The following COL20A1 variants were observed in gnomAD, a reference collection of about 807,000 sequenced individuals.
COL20A1 encodes collagen type XX alpha 1 chain.
In COL20A1, 164 loss-of-function variants were observed where a neutral mutation model predicts 152.9. The ratio of observed to expected loss-of-function variants is 1.07; its 90% confidence interval spans 0.94 to 1.22. The LOEUF is 1.22. COL20A1 is among the 50% of genes most tolerant of loss of function. The pLI, the probability that COL20A1 is intolerant of heterozygous loss-of-function variation, is 0.00. For synonymous variants in COL20A1, 864 were observed against 756.0 expected (o/e 1.14, Z -2.34); for missense variants, 1,873 against 1,744.8 (o/e 1.07, Z -1.31).
chr20:63,322,151 C>A, intron 27 of COL20A1, 40 bp downstream of exon 27: 1 of 1,438,144 alleles, frequency 7.0e-7, no homozygotes, highest in Non-Finnish European at 9.3e-7. Context: ...GGGCCTGGAT[C>A]GTACCTACCA....
rs866090610 is a variant in COL20A1, at chr20:63,313,174, G to C, written c.2134G>C (p.Glu712Gln). 3.1e-6 allele frequency: 5 copies of C among 1,612,376 alleles called. No individual in the cohort carries two copies. The highest frequency in any genetic ancestry group is 1.7e-6 in the Non-Finnish European group (2 of 1,179,732). ...AVLPGLGRHT[E>Q]YDVTILAYYR... ...CCTGCCTGGCCTAGGGAGGCACACA[G>C]AGTACGACGTCACCATCTTGGCCTA... Residue 712 changes from glutamate (E) to glutamine (Q), a missense_variant, in exon 17 of 36, where the codon GAG becomes CAG. Physicochemically the swap from Glu to Gln is conservative, Grantham distance 29 (BLOSUM62 2). Coordinates refer to ENST00000358894, the MANE Select transcript of COL20A1 (RefSeq NM_020882.4). The surrounding 1 kb of genome is among the most constrained non-coding windows in gnomAD (Gnocchi z 5.9).
chr20:63,318,850 G>A (rs2068118254), intron 21 of COL20A1, among the ~76,000 whole-genome samples: 1 of 151,550 alleles, frequency 6.6e-6, no homozygotes, highest in South Asian at 2.1e-4. Flanking sequence ...CAGCTCTGTG[G>A]AACCACCAGT....
rs1328917627 is a variant in COL20A1 at position 63,305,168 on chromosome 20, C to T, written c.194-249C>T. On this transcript the variant is annotated intron_variant, in intron 3 of 35. Transcript: ENST00000358894. The surrounding 1 kb of genome is among the most constrained non-coding windows in gnomAD (Gnocchi z 4.9). ...GTTGATGGCTTCTCACCTCACCATG[C>T]GGCGGATTCCTCTAGGGGGGTTTAG... Among the ~76,000 whole-genome samples, 3 of 152,074 alleles carry T rather than the reference C, an allele frequency of 2.0e-5. No individual in the cohort carries two copies. The highest frequency in any genetic ancestry group is 2.1e-4 in the South Asian group (1 of 4,812).
At chr20:63,296,003 C>G (rs578152166) in intron 2 of COL20A1, among the ~76,000 whole-genome samples, 19 of 152,380 alleles carry the variant, frequency 1.2e-4, no homozygotes, top group Admixed American at 3.3e-4. Context: ...TTAAAGCACC[C>G]CCACCAGGGC....
Position 63,320,163 on chromosome 20 carries a change from C to T in COL20A1, c.3041C>T (p.Ala1014Val), listed in dbSNP as rs753059185. 3.9e-6 allele frequency: 6 copies of T among 1,555,606 alleles called. No homozygotes were observed. The highest frequency in any genetic ancestry group is 5.2e-6 in the Non-Finnish European group (6 of 1,151,866). ...GGCTTCGTCACGCTGGGGAGGCTGG[C>T]CAAGGCCAGGGGCCCCCGGAGCAGT... ...AAGFVTLGRL[A>V]KARGPRSSSA... Residue 1014 changes from alanine to valine, a missense_variant, in exon 24 of 36, where the codon GCC (alanine) becomes GTC (valine). Coordinates refer to ENST00000358894, the MANE Select transcript of COL20A1 (RefSeq NM_020882.4).
chr20:63,320,236 G>A (rs945135327), intron 24 of COL20A1, 39 bp downstream of exon 24: 1 of 1,603,674 alleles, frequency 6.2e-7, no homozygotes, highest in Non-Finnish European at 8.5e-7. Context: ...CCACGCTGGT[G>A]GGGGCTGGCA....
At chr20:63,318,627 C>T (rs1205387844) in intron 21 of COL20A1, among the ~76,000 whole-genome samples, 1 of 152,094 alleles carries the variant, frequency 6.6e-6, no homozygotes, top group Non-Finnish European at 1.5e-5. Flanking sequence ...TGGGCCGGCA[C>T]CCCTCACCCT....
rs572490792 is a variant in COL20A1, at chr20:63,327,850, C to A, written c.3529-102C>A. The A allele has an allele frequency of 8.2e-6, 10 of 1,221,206 alleles. No individual in the cohort carries two copies. The African/African-American group carries it at 1.2e-4, about 15-fold the overall frequency. 75.6% of individuals were successfully genotyped at this position (1,221,206 alleles called of 1,614,324 possible). A position where few individuals can be genotyped will look rare whatever the true frequency, so the allele number is the denominator to read the frequency against. ...GCTTTCACACCGCCACTGTGGCTAT[C>A]AGGCTGCCTGAGTGAGGATCCACCT... On this transcript the variant is annotated intron_variant, in intron 31 of 35. Transcript: ENST00000358894.
chr20:63,308,154 A>T, intron 7 of COL20A1, 64 bp downstream of exon 7: 2 of 1,580,804 alleles, frequency 1.3e-6, no homozygotes, highest in Non-Finnish European at 1.7e-6. Context: ...GCCCTCCCAG[A>T]TCCCGAAAGC....
Position 63,320,049 on chromosome 20 carries a change from C to A in COL20A1, c.2927C>A (p.Ala976Asp), listed in dbSNP as rs770565262. 6 of 1,554,046 alleles carry A rather than the reference C, an allele frequency of 3.9e-6. No individual in the cohort carries two copies. Among genetic ancestry groups the A allele is most frequent in the Non-Finnish European group, 5.2e-6 (6 of 1,149,558 alleles). Residue 976 changes from alanine to aspartate, a missense_variant, in exon 24 of 36, where the codon GCT (alanine) becomes GAT (aspartate). Physicochemically the swap from Ala to Asp is moderately radical, Grantham distance 126 (BLOSUM62 -2). Transcript: ENST00000358894. ...CGTGCCGTCTCACAGGTGCACGTGG[C>A]TGTGGGCCGCTCCAAGGTCAGGCTC... ...FFGSFHKVHV[A>D]VGRSKVRLYV...
chr20:63,307,776 G>A (rs1247577691), intron 6 of COL20A1, 128 bp downstream of exon 6: 4 of 1,218,850 alleles, frequency 3.3e-6, no homozygotes, highest in Middle Eastern at 2.3e-4. Flanking sequence ...TGGGACGCCT[G>A]CTCCACATGG....
At position 63,311,577 on chromosome 20, in the gene COL20A1, G is replaced by C; in HGVS notation, c.1539+38G>C. ...GGGGGGTGGCGGGGGAGGCAGAGGA[G>C]TGGGGCAGAGCGAGTGGGGGCTGGC... On this transcript the variant is annotated intron_variant, in intron 12 of 35. Transcript: ENST00000358894. This position sits in a 1 kb window ranked among gnomAD's most constrained non-coding sequence, Gnocchi z 4.4. The C allele has an allele frequency of 6.2e-7, 1 of 1,610,014 alleles. No homozygotes were observed. Among genetic ancestry groups the C allele is most frequent in the Non-Finnish European group, 8.5e-7 (1 of 1,179,222 alleles).
At position 63,316,644 on chromosome 20, in the gene COL20A1, C is replaced by G. The variant is rs778320233; in HGVS notation, c.2616C>G (p.Thr872=). ...VAMEPSAFGG[T]PTFTLFKDAQ... ...TGGAGCCCTCTGCCTTCGGTGGGAC[C>G]CCGACCTTCACGCTCTTCAAGGACG... is the stretch of plus-strand genomic sequence containing the variant. Residue 872 remains threonine (T), a synonymous_variant, in exon 21 of 36, where the codon ACC becomes ACG. Coordinates refer to ENST00000358894, the MANE Select transcript of COL20A1 (RefSeq NM_020882.4). 1 of 1,577,320 alleles carries G rather than the reference C, an allele frequency of 6.3e-7. No homozygotes were observed. Among genetic ancestry groups the G allele is most frequent in the East Asian group, 2.3e-5 (1 of 42,974 alleles).
chr20:63,294,896 T>A (rs2067766997), intron 1 of COL20A1: 1 of 536,792 alleles, frequency 1.9e-6, no homozygotes, highest in Non-Finnish European at 3.3e-6. Flanking sequence ...GCTCTAGCCT[T>A]GGGTCCTTGA....
intron 9 of COL20A1, 24 bp from the exon 10 acceptor site, chr20:63,309,734 C>A: frequency 2.0e-6 from 3 of 1,532,760 alleles, no homozygotes; most frequent in Non-Finnish European, 2.6e-6. Context: ...GACCACCTGC[C>A]CCCCACTCCC....
At position 63,315,339 on chromosome 20, in the gene COL20A1, G is replaced by A. The variant is rs2068070173; in HGVS notation, c.2489-65G>A. The A allele has an allele frequency of 2.0e-6, 3 of 1,480,830 alleles. No individual in the cohort carries two copies. In the Admixed American group the frequency reaches 5.9e-5, roughly 29 times the overall value. 91.7% of individuals were successfully genotyped at this position (1,480,830 alleles called of 1,614,324 possible). A position where few individuals can be genotyped will look rare whatever the true frequency, so the allele number is the denominator to read the frequency against. Reference sequence around the variant, plus strand: ...TCGTCCATGAAGTGGCCCCTCCCCAGCGGTCTGTCAGGCGTTGGAGGCTGG... The same window carrying A: ...TCGTCCATGAAGTGGCCCCTCCCCAACGGTCTGTCAGGCGTTGGAGGCTGG... On this transcript the variant is annotated intron_variant, in intron 19 of 35. Coordinates refer to ENST00000358894, the MANE Select transcript of COL20A1 (RefSeq NM_020882.4).
At chr20:63,315,807 G>A (rs1177436317) in intron 20 of COL20A1, among the ~76,000 whole-genome samples, 1 of 152,240 alleles carries the variant, frequency 6.6e-6, no homozygotes, top group Non-Finnish European at 1.5e-5. Context: ...CCAGAGAGGG[G>A]CTGAGAGGTG....
Position 63,314,291 on chromosome 20 carries a change from C to T in COL20A1, c.2488+90C>T, listed in dbSNP as rs1346637816. The T allele has an allele frequency of 5.7e-6, 7 of 1,219,464 alleles. No individual in the cohort carries two copies. In the African/African-American group the frequency reaches 9.1e-5, roughly 16 times the overall value. The allele number at this position is 1,219,464 out of a possible 1,614,324, so 75.5% of individuals were successfully genotyped here. A position where few individuals can be genotyped will look rare whatever the true frequency, so the allele number is the denominator to read the frequency against. On this transcript the variant is annotated intron_variant, in intron 19 of 35. Transcript: ENST00000358894. ...CCCTGCCAGCTCCAGACTCATCCAA[C>T]CCCAGACCCAGCCAACCCCAGACCT...
At chr20:63,317,541 A>T (rs1042085473) in intron 21 of COL20A1, among the ~76,000 whole-genome samples, 2 of 151,672 alleles carry the variant, frequency 1.3e-5, no homozygotes, top group Admixed American at 1.3e-4. Flanking sequence ...TTATAGAAAT[A>T]TATATATTTA....
Sources: allele counts gnomAD v4.1 joint callset (sites outside exome capture counted in the v4.1 genomes callset), GRCh38; gene constraint gnomAD v4.1.1; non-coding constraint Gnocchi (gnomAD v3.1); transcripts MANE v1.5; gene names NCBI Gene and HGNC (gene_info 2026-07-23, HGNC 2026-07-21).